STKLD1: variants seen among roughly 807,000 people sequenced by gnomAD.
STKLD1 encodes serine/threonine kinase-like domain-containing protein STKLD1.
Under a neutral mutation model 80.4 loss-of-function variants are expected in STKLD1, and 79 were observed. That is an observed-to-expected ratio of 0.98 (90% CI 0.82 to 1.19). The LOEUF (loss-of-function observed/expected upper bound fraction) is 1.19, where lower values mean the gene tolerates loss of function less well. Ranked by LOEUF, STKLD1 falls within the 50% of genes most tolerant of loss-of-function variation. STKLD1 has a pLI of 0.00. For missense variants in STKLD1, 841 were observed against 856.0 expected, an observed-to-expected ratio of 0.98 and a Z score of 0.22; for synonymous variants, 393 against 357.6, an observed-to-expected ratio of 1.10 and a Z score of -1.12.
At chr9:133,380,622 C>T (rs1025120823) in intron 2 of STKLD1, among the ~76,000 whole-genome samples, 57 of 152,042 alleles carry the variant, frequency 3.7e-4, no homozygotes, top group Non-Finnish European at 6.5e-4. Context: ...CACTGCACTC[C>T]AGCCTGGGTG....
Position 133,394,352 on chromosome 9 carries a change from A to C in STKLD1, c.645A>C (p.Ser215=). ...TCAACTTCTCCTTCAGCCAGAAATC[A>C]GACATCTGGTCCCTGGGCTGCATCA... ...EALNFSFSQK[S]DIWSLGCIIL... Residue 215 remains serine, a synonymous_variant, in exon 8 of 18, where the codon TCA becomes TCC. Coordinates refer to ENST00000371957, the MANE Select transcript of STKLD1 (RefSeq NM_153710.5). The surrounding 1 kb of genome is among the most constrained non-coding windows in gnomAD (Gnocchi z 4.9). 1 of 1,613,936 alleles carries C rather than the reference A, an allele frequency of 6.2e-7. No individual in the cohort carries two copies. The highest frequency in any genetic ancestry group is 8.5e-7 in the Non-Finnish European group (1 of 1,179,960).
chr9:133,378,702 G>T (rs2130258370), intron 1 of STKLD1, among the ~76,000 whole-genome samples: 3 of 152,256 alleles, frequency 2.0e-5, no homozygotes, highest in African/African-American at 7.2e-5. Context: ...GGAAGTTGAG[G>T]TCACAGAGGT....
At chr9:133,396,582 C>G (rs1318397341) in intron 9 of STKLD1, among the ~76,000 whole-genome samples, 1 of 151,910 alleles carries the variant, frequency 6.6e-6, no homozygotes, top group Non-Finnish European at 1.5e-5. Context: ...AGCGAAACCC[C>G]GTCTCTACTA....
Position 133,389,492 on chromosome 9 carries a change from C to A in STKLD1, c.397-34C>A. On this transcript the variant is annotated intron_variant, in intron 5 of 17. Coordinates refer to ENST00000371957, the MANE Select transcript of STKLD1 (RefSeq NM_153710.5). The surrounding 1 kb of genome is among the most constrained non-coding windows in gnomAD (Gnocchi z 6.4). ...CCCCCTGAAAGCAGCACAGGGTGCC[C>A]CTCCCATCCTGGCACCCCCTACTTC... 6.2e-7 allele frequency: 1 copy of A among 1,610,266 alleles called. No individual in the cohort carries two copies. The highest frequency in any genetic ancestry group is 1.1e-5 in the South Asian group (1 of 90,412).
chr9:133,395,532 C>T, intron 8 of STKLD1, 68 bp from the exon 9 acceptor site: 1 of 1,536,910 alleles, frequency 6.5e-7, no homozygotes, highest in Non-Finnish European at 8.8e-7. Context: ...TGGTCGTCCC[C>T]TGCCCATGCT....
At chr9:133,401,648 A>G (rs1838708921) in intron 12 of STKLD1, 90 bp from the exon 13 acceptor site, 1 of 1,451,296 alleles carries the variant, frequency 6.9e-7, no homozygotes, top group African/African-American at 1.4e-5. Context: ...CAAAGTGGAG[A>G]TGCTATCCCC....
chr9:133,393,683 C>T (rs1472185712), intron 7 of STKLD1, among the ~76,000 whole-genome samples: 1 of 145,104 alleles, frequency 6.9e-6, no homozygotes, highest in Non-Finnish European at 1.5e-5. Flanking sequence ...ATGGGGTGTG[C>T]GTGGATGGAT....
At chr9:133,404,676 T>A in intron 16 of STKLD1, 113 bp from the exon 17 acceptor site, 1 of 1,454,968 alleles carries the variant, frequency 6.9e-7, no homozygotes, top group Non-Finnish European at 9.2e-7. Flanking sequence ...GTCCCGTCTC[T>A]TGTCCTGTCC....
At position 133,390,008 on chromosome 9, in the gene STKLD1, A is replaced by C. The variant is rs1838348833; in HGVS notation, c.467+412A>C. 6.6e-6 allele frequency among the ~76,000 whole-genome samples: 1 copy of C among 152,160 alleles called. No homozygotes were observed. The highest frequency in any genetic ancestry group is 2.4e-5 in the African/African-American group (1 of 41,424). Reference sequence around the variant, plus strand: ...TCTGAAGGGGCTGGGAGATGGCTCCAATTCTGAACACCAATATCTTATTTA... The same window carrying C: ...TCTGAAGGGGCTGGGAGATGGCTCCCATTCTGAACACCAATATCTTATTTA... On this transcript the variant is annotated intron_variant, in intron 6 of 17. Coordinates refer to ENST00000371957, the MANE Select transcript of STKLD1 (RefSeq NM_153710.5). The surrounding 1 kb of genome is among the most constrained non-coding windows in gnomAD (Gnocchi z 5.1).
In STKLD1 at chr9:133,395,595, T is replaced by C; in HGVS notation, c.703-5T>C. ...AATACACAGAGCTGTCCTCTCTCCG[T>C]GCAGGGCACAGAAGCCATGCATCTG... is the stretch of plus-strand genomic sequence containing the variant. On this transcript the variant is annotated splice_polypyrimidine_tract_variant and splice_region_variant and intron_variant, in intron 8 of 17. Transcript: ENST00000371957. The C allele has an allele frequency of 2.5e-6, 4 of 1,612,612 alleles. No homozygotes were observed. Among genetic ancestry groups the C allele is most frequent in the Non-Finnish European group, 3.4e-6 (4 of 1,179,856 alleles).
intron 13 of STKLD1, 26 bp from the exon 14 acceptor site, chr9:133,402,852 G>A: frequency 1.9e-6 from 3 of 1,592,146 alleles, no homozygotes; most frequent in Non-Finnish European, 2.6e-6. Flanking sequence ...AGGGGCCCTG[G>A]GGCCCTCATT....
At chr9:133,403,625 A>G (rs1401633345) in intron 14 of STKLD1, 75 bp from the exon 15 acceptor site, 6 of 1,541,680 alleles carry the variant, frequency 3.9e-6, no homozygotes, top group Non-Finnish European at 5.3e-6. Context: ...GGAAGGCAGC[A>G]GATGGGGGAT....
chr9:133,378,253 G>A (rs1427324943), intron 1 of STKLD1, among the ~76,000 whole-genome samples: 2 of 152,130 alleles, frequency 1.3e-5, no homozygotes, highest in African/African-American at 4.8e-5. Context: ...ACTTTTATGG[G>A]CTCCGAGAGT....
chr9:133,402,008 G>A (rs782375466), intron 13 of STKLD1, 130 bp downstream of exon 13: 26 of 1,175,666 alleles, frequency 2.2e-5, no homozygotes, highest in Non-Finnish European at 2.9e-5. Context: ...GAGATACATG[G>A]TGGCATTTGG....
At chr9:133,398,651 T>C (rs1554777067) in intron 11 of STKLD1, among the ~76,000 whole-genome samples, 1 of 152,002 alleles carries the variant, frequency 6.6e-6, no homozygotes, top group Non-Finnish European at 1.5e-5. Flanking sequence ...TGGTGACACA[T>C]GTCTGTTATC....
Position 133,390,413 on chromosome 9 carries a change from GT to G in STKLD1, c.468-267del, listed in dbSNP as rs1838363900. On this transcript the variant is annotated intron_variant, in intron 6 of 17. Coordinates refer to ENST00000371957, the MANE Select transcript of STKLD1 (RefSeq NM_153710.5). The surrounding 1 kb of genome is among the most constrained non-coding windows in gnomAD (Gnocchi z 5.1). ...TTAAGGGGCCTCTTCGGAGTGCTGG[GT>G]GTGTTCCTACTTGTGGTTGAGGATT... Among the ~76,000 whole-genome samples the G allele has an allele frequency of 6.6e-6, 1 of 152,200 alleles. No homozygotes were observed. Among genetic ancestry groups the G allele is most frequent in the Non-Finnish European group, 1.5e-5 (1 of 68,044 alleles).
At chr9:133,403,620 G>T (rs1296805521) in intron 14 of STKLD1, 80 bp from the exon 15 acceptor site, 23 of 1,525,514 alleles carry the variant, frequency 1.5e-5, no homozygotes, top group Admixed American at 1.9e-5. Flanking sequence ...CTGGAGGAAG[G>T]CAGCAGATGG....
chr9:133,396,059 TA>T (rs71503342), intron 9 of STKLD1: 24,415 of 202,602 alleles, frequency 0.12, 1,516 homozygotes, highest in African/African-American at 0.22. Flanking sequence ...TCATTCTACA[TA>T]AAAAAAAAAA....
chr9:133,400,343 GC>G, intron 11 of STKLD1, 69 bp from the exon 12 acceptor site: 1 of 1,139,958 alleles, frequency 8.8e-7, no homozygotes, highest in East Asian at 2.3e-5. Flanking sequence ...GCCTCTGGGG[GC>G]CCTGGTCGGG....
Sources: allele counts gnomAD v4.1 joint callset (sites outside exome capture counted in the v4.1 genomes callset), GRCh38; gene constraint gnomAD v4.1.1; non-coding constraint Gnocchi (gnomAD v3.1); transcripts MANE v1.5; gene names NCBI Gene and HGNC (gene_info 2026-07-23, HGNC 2026-07-21).